PTPN1: variants seen among roughly 807,000 people sequenced by gnomAD.
PTPN1 encodes the protein tyrosine-protein phosphatase non-receptor type 1.
A neutral mutation model predicts 59.9 loss-of-function variants in PTPN1; 12 were observed. That is an observed-to-expected ratio of 0.20 (90% CI 0.13 to 0.32). The LOEUF (loss-of-function observed/expected upper bound fraction) is 0.32. PTPN1 is among the 10% of genes least tolerant of loss of function. PTPN1 has a pLI of 1.00. For missense variants in PTPN1, 356 were observed against 549.2 expected, an observed-to-expected ratio of 0.65 and a Z score of 3.52; for synonymous variants, 178 against 203.6, an observed-to-expected ratio of 0.87 and a Z score of 1.07.
chr20:50,517,506 G>A lies in PTPN1; in HGVS notation c.63+6916G>A, dbSNP rs576114338. On this transcript the variant is annotated intron_variant, in intron 1 of 9. Coordinates refer to ENST00000371621, the MANE Select transcript of PTPN1 (RefSeq NM_002827.4). Reference sequence around the variant, plus strand: ...ACTCCTGGGCTTAAGCCATCTGTCTGCCTCAGGCTCCCAAAGTGTTGGGAT... The same window carrying A: ...ACTCCTGGGCTTAAGCCATCTGTCTACCTCAGGCTCCCAAAGTGTTGGGAT... 2.6e-5 allele frequency among the ~76,000 whole-genome samples: 4 copies of A among 152,274 alleles called. No individual in the cohort carries two copies. In the East Asian group the frequency reaches 7.7e-4, roughly 29 times the overall value.
chr20:50,581,336 C>T lies in PTPN1; in HGVS notation c.1160C>T (p.Pro387Leu), dbSNP rs16995309. 9,411 of 1,614,032 alleles carry T rather than the reference C, an allele frequency of 5.8e-3. 26 individuals carry two copies. Among genetic ancestry groups the T allele is most frequent in the Non-Finnish European group, 7.0e-3 (8,249 of 1,179,888 alleles). The change falls in exon 9 of 10, where the codon CCA (proline) becomes CTA (leucine). Residue 387 changes from proline to leucine, a missense_variant. Physicochemically the swap from Pro to Leu is moderately conservative, Grantham distance 98 (BLOSUM62 -3). Coordinates refer to ENST00000371621, the MANE Select transcript of PTPN1 (RefSeq NM_002827.4). ...GSLRGAQAASPAKGEPSLPEK... is the reference protein window; with the variant it reads ...GSLRGAQAASLAKGEPSLPEK... Reference sequence around the variant, plus strand: ...CTTCGAGGTGCCCAGGCTGCCTCCCCAGCCAAAGGGGAGCCGTCACTGCCC... The same window carrying T: ...CTTCGAGGTGCCCAGGCTGCCTCCCTAGCCAAAGGGGAGCCGTCACTGCCC...
At chr20:50,579,478 A>C in intron 7 of PTPN1, 149 bp downstream of exon 7, 1 of 1,069,162 alleles carries the variant, frequency 9.4e-7, no homozygotes, top group East Asian at 2.4e-5. Flanking sequence ...AGTTGTCAAA[A>C]TGTTCACCAT....
intron 1 of PTPN1, among the ~76,000 whole-genome samples, chr20:50,543,435 A>G (rs2082661209): frequency 6.6e-6 from 1 of 152,246 alleles, no homozygotes; most frequent in African/African-American, 2.4e-5. Context: ...ATCTAATTAT[A>G]ATAGTTTGTC....
intron 1 of PTPN1, among the ~76,000 whole-genome samples, chr20:50,551,020 A>T (rs147284128): frequency 5.3e-5 from 8 of 152,360 alleles, no homozygotes; most frequent in African/African-American, 1.9e-4. Flanking sequence ...AGAAATCTCT[A>T]ATCAAATATT....
intron 1 of PTPN1, among the ~76,000 whole-genome samples, chr20:50,532,994 G>A (rs1191394281): frequency 6.6e-6 from 1 of 151,776 alleles, no homozygotes; most frequent in East Asian, 1.9e-4. Context: ...GGGGTCTGCA[G>A]GTATTGCCCT....
chr20:50,579,158 T>C lies in PTPN1; in HGVS notation c.703-10T>C. ...ACCTGGCTGACTTATATCTCCTCTCTGGCTTTCAGATGGACAAGAGGAAAG... is the reference window on the plus strand; with the variant it reads ...ACCTGGCTGACTTATATCTCCTCTCCGGCTTTCAGATGGACAAGAGGAAAG... On this transcript the variant is annotated splice_polypyrimidine_tract_variant and intron_variant, in intron 6 of 9. Coordinates refer to ENST00000371621, the MANE Select transcript of PTPN1 (RefSeq NM_002827.4). The C allele has an allele frequency of 1.2e-6, 2 of 1,614,064 alleles. No homozygotes were observed. The highest frequency in any genetic ancestry group is 1.7e-6 in the Non-Finnish European group (2 of 1,179,892).
intron 1 of PTPN1, among the ~76,000 whole-genome samples, chr20:50,523,949 TA>T (rs779159068): frequency 3.3e-5 from 5 of 152,376 alleles, no homozygotes; most frequent in Admixed American, 6.5e-5. Context: ...AAGTGTCACC[TA>T]GGCTTGAAAG....
At chr20:50,510,669 T>C in intron 1 of PTPN1, 79 bp downstream of exon 1, 1 of 1,408,922 alleles carries the variant, frequency 7.1e-7, no homozygotes, top group Non-Finnish European at 9.7e-7. Context: ...GGCCCCAGAC[T>C]CCCTCTGGGT....
In PTPN1 at chr20:50,582,810, C is replaced by T. The variant is rs1324632081; in HGVS notation, c.*95C>T. 2.7e-6 allele frequency: 4 copies of T among 1,502,836 alleles called. No individual in the cohort carries two copies. The highest frequency in any genetic ancestry group is 3.7e-6 in the Non-Finnish European group (4 of 1,091,754). 93.1% of individuals were successfully genotyped at this position (1,502,836 alleles called of 1,614,324 possible). ...GGCATGCCGCGGTAGGTAAGGGCCG[C>T]CGGACCGCGTAGAGAGCCGGGCCCC... On this transcript the variant is annotated 3_prime_UTR_variant, in exon 10 of 10. Coordinates refer to ENST00000371621, the MANE Select transcript of PTPN1 (RefSeq NM_002827.4). The surrounding 1 kb of genome is among the most constrained non-coding windows in gnomAD (Gnocchi z 4.2).
intron 1 of PTPN1, among the ~76,000 whole-genome samples, chr20:50,541,935 G>A (rs201500331): frequency 6.6e-6 from 1 of 152,126 alleles, no homozygotes; most frequent in Non-Finnish European, 1.5e-5. Flanking sequence ...TGCTACTCTC[G>A]TTTTTACTAG....
chr20:50,570,568 T>C (rs1216657087), intron 4 of PTPN1, among the ~76,000 whole-genome samples: 1 of 152,200 alleles, frequency 6.6e-6, no homozygotes, highest in African/African-American at 2.4e-5. Flanking sequence ...GTCAGCAATT[T>C]TGAGTAAAGA....
At chr20:50,552,129 C>T (rs987151084) in intron 1 of PTPN1, among the ~76,000 whole-genome samples, 2 of 152,172 alleles carry the variant, frequency 1.3e-5, no homozygotes, top group East Asian at 1.9e-4. Context: ...ACAGAAATCT[C>T]GTTTTGCTGT....
At chr20:50,534,818 T>C (rs1211510766) in intron 1 of PTPN1, among the ~76,000 whole-genome samples, 2 of 152,182 alleles carry the variant, frequency 1.3e-5, no homozygotes, top group Non-Finnish European at 1.5e-5. Context: ...CTCAAATTCC[T>C]GGGCTCAAAT....
At chr20:50,516,914 C>T (rs1175320230) in intron 1 of PTPN1, among the ~76,000 whole-genome samples, 3 of 152,210 alleles carry the variant, frequency 2.0e-5, no homozygotes, top group Admixed American at 6.5e-5. Context: ...GTTTACACAT[C>T]TGCCATATTT....
intron 1 of PTPN1, among the ~76,000 whole-genome samples, chr20:50,524,316 A>C (rs1042199018): frequency 3.9e-5 from 6 of 152,206 alleles, no homozygotes; most frequent in Non-Finnish European, 7.3e-5. Flanking sequence ...GATTCATTGA[A>C]GTGAAGTGAT....
At chr20:50,526,724 C>G (rs2082577179) in intron 1 of PTPN1, among the ~76,000 whole-genome samples, 1 of 152,056 alleles carries the variant, frequency 6.6e-6, no homozygotes, top group African/African-American at 2.4e-5. Flanking sequence ...TGTTTCTCTC[C>G]TCCCCCCACC....
chr20:50,574,421 G>A (rs1215199076), intron 4 of PTPN1, 96 bp from the exon 5 acceptor site: 7 of 1,272,560 alleles, frequency 5.5e-6, no homozygotes, highest in Non-Finnish European at 7.5e-6. Context: ...CCAGGCCTTT[G>A]AGTTATCATG....
chr20:50,561,599 AT>A (rs1460751706), intron 2 of PTPN1, 146 bp downstream of exon 2: 1 of 520,908 alleles, frequency 1.9e-6, no homozygotes, highest in African/African-American at 2.0e-5. Flanking sequence ...TAGTAAAGGC[AT>A]TAGAGACTTA....
At chr20:50,556,273 C>G (rs1398595638) in intron 1 of PTPN1, among the ~76,000 whole-genome samples, 1 of 152,086 alleles carries the variant, frequency 6.6e-6, no homozygotes, top group African/African-American at 2.4e-5. Context: ...ACTGCAGATT[C>G]AATCTCCTGG....
Sources: allele counts gnomAD v4.1 joint callset (sites outside exome capture counted in the v4.1 genomes callset), GRCh38; gene constraint gnomAD v4.1.1; non-coding constraint Gnocchi (gnomAD v3.1); transcripts MANE v1.5; gene names NCBI Gene and HGNC (gene_info 2026-07-23, HGNC 2026-07-21).